The following FRY variants were observed in gnomAD, a reference collection of about 807,000 sequenced individuals.
The protein encoded by FRY is protein furry homolog.
A neutral mutation model predicts 348.4 loss-of-function variants in FRY; 128 were observed. That is an observed-to-expected ratio of 0.37 (90% CI 0.32 to 0.43). The LOEUF is 0.43. Ranked by LOEUF, FRY falls within the 20% of genes least tolerant of loss-of-function variation. The probability of loss-of-function intolerance (pLI) is 1.00; values close to 1 mark genes in which losing one functional copy is unlikely to be tolerated. For missense variants in FRY, 2,736 were observed against 3,695.2 expected (o/e 0.74, Z 6.73); for synonymous variants, 1,370 against 1,374.7 (o/e 1.00, Z 0.08).
intron 58 of FRY, among the ~76,000 whole-genome samples, chr13:32,283,592 C>A (rs1034562653): frequency 6.6e-6 from 1 of 152,146 alleles, no homozygotes; most frequent in African/African-American, 2.4e-5. Flanking sequence ...ATTCTCAGCG[C>A]ATGTTCAAAA....
intron 1 of FRY, among the ~76,000 whole-genome samples, 166 bp downstream of exon 1, chr13:32,032,031 C>CTTTCTTTCTT (rs1872264715): frequency 1.5e-4 from 20 of 137,828 alleles, no homozygotes; most frequent in African/African-American, 5.5e-4. Context: ...CTTTTTCTTT[C>CTTTCTTTCTT]TTTCTTTCTT....
At chr13:32,279,086 G>A (rs1372282588) in intron 58 of FRY, among the ~76,000 whole-genome samples, 1 of 152,198 alleles carries the variant, frequency 6.6e-6, no homozygotes, top group African/African-American at 2.4e-5. Context: ...ACACTCATGA[G>A]CAACAGACAA....
At chr13:32,070,556 G>A (rs61946691) in intron 1 of FRY, among the ~76,000 whole-genome samples, 2 of 98,730 alleles carry the variant, frequency 2.0e-5, no homozygotes, top group African/African-American at 7.0e-5. Flanking sequence ...ATTTTTTGAT[G>A]GGTTTTTTTT....
chr13:32,058,001 G>A (rs2138430035), intron 1 of FRY, among the ~76,000 whole-genome samples: 1 of 152,164 alleles, frequency 6.6e-6, no homozygotes, highest in South Asian at 2.1e-4. Flanking sequence ...TTGCCATCAG[G>A]CCACACAGAA....
Position 32,254,365 on chromosome 13 carries a change from T to C in FRY, c.7387T>C (p.Phe2463Leu). The C allele has an allele frequency of 6.2e-7, 1 of 1,614,144 alleles. No individual in the cohort carries two copies. The highest frequency in any genetic ancestry group is 1.1e-5 in the South Asian group (1 of 91,082). ...GTTTAGAGTCTTCAGAGACTTCGAC[T>C]TCCTAGATGTGGAGCTGGAGGATGG... ...QQFRVFRDFD[F>L]LDVELEDGEG... is the part of the protein sequence containing the mutation. The change falls in exon 51 of 61, where the codon TTC becomes CTC. Residue 2463 changes from phenylalanine (F) to leucine (L), a missense_variant. Around this residue, in one of 9 missense-constraint regions of FRY, gnomAD observed 789 missense variants for 996.2 expected, o/e 0.79. Coordinates refer to ENST00000542859, the MANE Select transcript of FRY (RefSeq NM_023037.3).
At chr13:32,281,218 C>G (rs1242356342) in intron 58 of FRY, among the ~76,000 whole-genome samples, 2 of 152,192 alleles carry the variant, frequency 1.3e-5, no homozygotes, top group Non-Finnish European at 2.9e-5. Flanking sequence ...CTAATGTTTT[C>G]AAGTACTGTA....
chr13:32,174,499 C>G (rs929232007), intron 19 of FRY, among the ~76,000 whole-genome samples: 8 of 152,204 alleles, frequency 5.3e-5, no homozygotes, highest in African/African-American at 1.9e-4. Context: ...TCTCATTTGA[C>G]CCTCATAATA....
chr13:32,210,774 TGAC>T, intron 33 of FRY, 89 bp from the exon 34 acceptor site: 1 of 1,024,454 alleles, frequency 9.8e-7, no homozygotes, highest in Non-Finnish European at 1.5e-6. Context: ...TCCTGCATGA[TGAC>T]AACTTATCTA....
chr13:32,194,706 C>T (rs798963), intron 29 of FRY, among the ~76,000 whole-genome samples: 75,639 of 151,970 alleles, frequency 0.5, 18,787 homozygotes, highest in African/African-American at 0.52. Context: ...ACTCACTTTA[C>T]CCAAAACTTC....
intron 16 of FRY, among the ~76,000 whole-genome samples, chr13:32,160,381 A>G (rs1881373023): frequency 6.6e-6 from 1 of 152,240 alleles, no homozygotes; most frequent in African/African-American, 2.4e-5. Flanking sequence ...AGTTTATTCC[A>G]TAAAGGTTAC....
intron 3 of FRY, among the ~76,000 whole-genome samples, chr13:32,109,609 G>A (rs1877823184): frequency 6.6e-6 from 1 of 152,176 alleles, no homozygotes; most frequent in African/African-American, 2.4e-5. Flanking sequence ...CTGGGAATGA[G>A]GGTAGAAAGG....
chr13:32,202,757 C>A (rs1433457283), intron 31 of FRY, among the ~76,000 whole-genome samples: 2 of 152,036 alleles, frequency 1.3e-5, no homozygotes, highest in Non-Finnish European at 2.9e-5. Context: ...TGAGACCAGC[C>A]TGGCCAACAT....
chr13:32,196,463 A>AT (rs1175307824), intron 29 of FRY, among the ~76,000 whole-genome samples: 7 of 152,144 alleles, frequency 4.6e-5, no homozygotes, highest in Non-Finnish European at 1.0e-4. Flanking sequence ...AGGATTTGCC[A>AT]TTTTTGCATA....
At chr13:32,157,062 A>G (rs751655395) in intron 15 of FRY, among the ~76,000 whole-genome samples, 2 of 152,216 alleles carry the variant, frequency 1.3e-5, no homozygotes, top group Non-Finnish European at 2.9e-5. Flanking sequence ...ATTCCTATAC[A>G]TTGAATTAAA....
intron 2 of FRY, among the ~76,000 whole-genome samples, chr13:32,088,002 T>C (rs1875998330): frequency 6.6e-6 from 1 of 152,222 alleles, no homozygotes; most frequent in African/African-American, 2.4e-5. Flanking sequence ...TGCAAGTTGG[T>C]TGTTTTTCTG....
rs772745938 is a variant in FRY, at chr13:32,157,385, A to G, written c.1764A>G (p.Lys588=). ...MMLTNVQMLN[K]EPEDMITGER... ...TGACTAATGTACAGATGTTAAACAA[A>G]GAACCGGAAGACATGATCACGTGAG... The change falls in exon 16 of 61, where the codon AAA becomes AAG. Residue 588 remains lysine (K), a synonymous_variant. Transcript: ENST00000542859. 1 of 1,613,674 alleles carries G rather than the reference A, an allele frequency of 6.2e-7. No homozygotes were observed. The highest frequency in any genetic ancestry group is 2.2e-5 in the East Asian group (1 of 44,800).
chr13:32,180,472 T>G (rs902513904), intron 23 of FRY, among the ~76,000 whole-genome samples: 2 of 152,186 alleles, frequency 1.3e-5, no homozygotes, highest in Non-Finnish European at 2.9e-5. Context: ...TGACCTCAAG[T>G]GATCCACCCG....
intron 16 of FRY, among the ~76,000 whole-genome samples, chr13:32,159,934 G>A (rs540990756): frequency 2.6e-5 from 4 of 152,154 alleles, no homozygotes; most frequent in Non-Finnish European, 5.9e-5. Context: ...TCAACAGCTC[G>A]TGCAAAAGCT....
chr13:32,225,879 A>G lies in FRY; in HGVS notation c.5111A>G (p.His1704Arg), dbSNP rs775831571. 6.2e-7 allele frequency: 1 copy of G among 1,613,682 alleles called. No individual in the cohort carries two copies. Among genetic ancestry groups the G allele is most frequent in the South Asian group, 1.1e-5 (1 of 91,072 alleles). Residue 1704 changes from histidine (H) to arginine (R), a missense_variant, in exon 39 of 61, where the codon CAT becomes CGT. By Grantham distance (29) the His-to-Arg change is conservative. Coordinates refer to ENST00000542859, the MANE Select transcript of FRY (RefSeq NM_023037.3). ...LIALSCNSNF[H>R]SIASVLLQTR... ...GCCCTCTCTTGCAACAGCAATTTCC[A>G]TTCCATTGCTTCCGTGCTCCTGCAG...
Sources: gnomAD v4.1 joint callset for allele counts (sites outside exome capture counted in the v4.1 genomes callset) on GRCh38, gnomAD v4.1.1 for gene constraint, gnomAD v4.1.1 regional missense constraint, MANE v1.5 for transcripts, NCBI Gene and HGNC (gene_info 2026-07-23, HGNC 2026-07-21) for gene names.